The following OSR2 variants were observed in gnomAD, a reference collection of about 807,000 sequenced individuals.
OSR2 encodes the protein odd-skipped related transciption factor 2.
Under a neutral mutation model 22.3 loss-of-function variants are expected in OSR2, and 8 were observed. That is an observed-to-expected ratio of 0.36 (90% confidence interval 0.21 to 0.65). The LOEUF is 0.65. Ranked by LOEUF, OSR2 falls within the 30% of genes least tolerant of loss-of-function variation. OSR2 has a pLI of 0.66. For missense variants in OSR2, 311 were observed against 413.4 expected (o/e 0.75, Z 2.15); for synonymous variants, 179 against 173.8 (o/e 1.03, Z -0.23).
chr8:98,948,369 C>A lies in OSR2; in HGVS notation c.-114-470C>A. ...CAGCGCAGCGCGTGGGATCTCACGA[C>A]CCATCCGTTAACCCACCGTTCCCAG... On this transcript the variant is annotated intron_variant, in intron 1 of 3. Transcript: ENST00000297565. The surrounding 1 kb of genome is among the most constrained non-coding windows in gnomAD (Gnocchi z 6.0). The A allele has an allele frequency of 2.7e-6, 4 of 1,504,822 alleles. No homozygotes were observed. The highest frequency in any genetic ancestry group is 3.5e-6 in the Non-Finnish European group (4 of 1,129,908). The allele number at this position is 1,504,822 out of a possible 1,614,324, so 93.2% of individuals were successfully genotyped here.
At chr8:98,945,417 T>TG (rs1840579008) in intron 1 of OSR2, among the ~76,000 whole-genome samples, 1 of 152,224 alleles carries the variant, frequency 6.6e-6, no homozygotes, top group African/African-American at 2.4e-5. Flanking sequence ...AGAAAGGAGT[T>TG]GCAGTTGTAC....
rs553096279 is a variant in OSR2, at chr8:98,951,664, G to A, written c.902G>A (p.Arg301Gln). ...KVFRRNCDLR[R>Q]HSLTHTPRQD... ...TTCAGGCGAAACTGTGATCTGCGGC[G>A]GCACAGCCTGACTCACACCCCGCGG... The change falls in exon 4 of 4, where the codon CGG becomes CAG. Residue 301 changes from arginine to glutamine, a missense_variant. Physicochemically the swap from Arg to Gln is conservative, Grantham distance 43. Coordinates refer to ENST00000297565, the MANE Select transcript of OSR2 (RefSeq NM_001142462.3). 6.2e-7 allele frequency: 1 copy of A among 1,613,778 alleles called. No individual in the cohort carries two copies. Among genetic ancestry groups the A allele is most frequent in the African/African-American group, 1.3e-5 (1 of 75,018 alleles).
Position 98,951,677 on chromosome 8 carries a change from TCA to T in OSR2, c.919_920del (p.Thr307ProfsTer35). On this transcript the variant is annotated frameshift_variant, in exon 4 of 4. Coordinates refer to ENST00000297565, the MANE Select transcript of OSR2 (RefSeq NM_001142462.3). LOFTEE classifies it high-confidence loss of function. ...GTGATCTGCGGCGGCACAGCCTGACTCACACCCCGCGGCAGGACTTCTAGAGA... is the reference window on the plus strand; with the variant it reads ...GTGATCTGCGGCGGCACAGCCTGACTCACCCCGCGGCAGGACTTCTAGAGA... ...NCDLRRHSLTHTPRQDF is the reference protein window; with the variant it reads ...NCDLRRHSLTXTPRQDF 1 of 1,613,602 alleles carries T rather than the reference TCA, an allele frequency of 6.2e-7. No homozygotes were observed. The highest frequency in any genetic ancestry group is 8.5e-7 in the Non-Finnish European group (1 of 1,179,792).
Position 98,949,895 on chromosome 8 carries a change from C to T in OSR2, c.656+287C>T, listed in dbSNP as rs1366542512. Among the ~76,000 whole-genome samples, 1 of 152,152 alleles carries T rather than the reference C, an allele frequency of 6.6e-6. No individual in the cohort carries two copies. The highest frequency in any genetic ancestry group is 1.5e-5 in the Non-Finnish European group (1 of 68,034). On this transcript the variant is annotated intron_variant, in intron 2 of 3. Transcript: ENST00000297565. The surrounding 1 kb of genome is among the most constrained non-coding windows in gnomAD (Gnocchi z 5.9). ...ATGGTTATCCTGTCTCCTCCCGGTG[C>T]TGTGGGGAGTGGTGCAGGCAGAACC...
At position 98,948,485 on chromosome 8, in the gene OSR2, A is replaced by C; in HGVS notation, c.-114-354A>C. The C allele has an allele frequency of 1.5e-4, 3 of 19,564 alleles. No individual in the cohort carries two copies. Among genetic ancestry groups the C allele is most frequent in the Non-Finnish European group, 2.2e-4 (3 of 13,896 alleles). The allele number at this position is 19,564 out of a possible 1,614,324, so 1.2% of individuals were successfully genotyped here. Reference sequence around the variant, plus strand: ...TGAGCTTCGCCTAACAGGCTTGGGGAGGGTGGGCTGGGCTGGGCTGGGCTG... The same window carrying C: ...TGAGCTTCGCCTAACAGGCTTGGGGCGGGTGGGCTGGGCTGGGCTGGGCTG... On this transcript the variant is annotated intron_variant, in intron 1 of 3. Transcript: ENST00000297565. This position sits in a 1 kb window ranked among gnomAD's most constrained non-coding sequence, Gnocchi z 6.0.
In OSR2 at chr8:98,944,534, G is replaced by C. The variant is rs1840544816; in HGVS notation, c.-404G>C. On this transcript the variant is annotated 5_prime_UTR_variant, in exon 1 of 4. Transcript: ENST00000297565. ...AAGGCTGTGGGCTCCGACCTCACCG[G>C]GAGTCGACAGCGAGAGGTTCGCCGA... 1 of 152,310 alleles carries C rather than the reference G, an allele frequency of 6.6e-6. No individual in the cohort carries two copies. The highest frequency in any genetic ancestry group is 2.4e-5 in the African/African-American group (1 of 41,466). The allele number at this position is 152,310 out of a possible 1,614,324, so 9.4% of individuals were successfully genotyped here.
intron 3 of OSR2, chr8:98,951,000 TTCA>T: frequency 1.7e-6 from 1 of 596,742 alleles, no homozygotes; most frequent in Admixed American, 3.0e-5. Flanking sequence ...TAGAATTTTT[TTCA>T]TCCAATCTGT....
Position 98,949,176 on chromosome 8 carries a change from C to T in OSR2, c.224C>T (p.Ala75Val), listed in dbSNP as rs768426368. 1.3e-6 allele frequency: 2 copies of T among 1,597,926 alleles called. No individual in the cohort carries two copies. Among genetic ancestry groups the T allele is most frequent in the South Asian group, 2.3e-5 (2 of 88,830 alleles). The change falls in exon 2 of 4, where the codon GCG becomes GTG. Residue 75 changes from alanine to valine, a missense_variant. Ala to Val is a moderately conservative substitution (Grantham distance 64). Transcript: ENST00000297565. This position sits in a 1 kb window ranked among gnomAD's most constrained non-coding sequence, Gnocchi z 5.9. ...TCCACCATCACGGAGATGGCGGCGG[C>T]GCAGGGCCTCGTGGACGCGCGCTTC... is the stretch of plus-strand genomic sequence containing the variant. ...TRSTITEMAAAQGLVDARFPF... is the reference protein window; with the variant it reads ...TRSTITEMAAVQGLVDARFPF...
rs752923643 is a variant in OSR2 at position 98,949,616 on chromosome 8, G to C, written c.656+8G>C. 1.2e-6 allele frequency: 2 copies of C among 1,601,438 alleles called. No homozygotes were observed. The highest frequency in any genetic ancestry group is 4.5e-5 in the East Asian group (2 of 44,670). On this transcript the variant is annotated splice_region_variant and intron_variant, in intron 2 of 3. Coordinates refer to ENST00000297565, the MANE Select transcript of OSR2 (RefSeq NM_001142462.3). The surrounding 1 kb of genome is among the most constrained non-coding windows in gnomAD (Gnocchi z 5.9). ...TCACCTGCGGGATCACAGGTGAGGC[G>C]GGCAAGGAGGATGGCTGGGAGAGGG... is the stretch of plus-strand genomic sequence containing the variant.
chr8:98,949,273 A>C lies in OSR2; in HGVS notation c.321A>C (p.Pro107=), dbSNP rs1226784577. 2 of 1,612,136 alleles carry C rather than the reference A, an allele frequency of 1.2e-6. No individual in the cohort carries two copies. Among genetic ancestry groups the C allele is most frequent in the Non-Finnish European group, 1.7e-6 (2 of 1,178,882 alleles). ...AGGGGGCCATTGCCCACGTCCTCCCAGCCCTGCACAAGGACCGGCCCCGTT... is the reference window on the plus strand; with the variant it reads ...AGGGGGCCATTGCCCACGTCCTCCCCGCCCTGCACAAGGACCGGCCCCGTT... ...PKQGAIAHVL[P]ALHKDRPRFD... is the part of the protein sequence containing the mutation. Residue 107 remains proline, a synonymous_variant, in exon 2 of 4, where the codon CCA becomes CCC. Transcript: ENST00000297565. This position sits in a 1 kb window ranked among gnomAD's most constrained non-coding sequence, Gnocchi z 5.9.
chr8:98,948,159 G>T lies in OSR2; in HGVS notation c.-114-680G>T, dbSNP rs1177542024. 2 of 1,380,240 alleles carry T rather than the reference G, an allele frequency of 1.4e-6. No homozygotes were observed. Among genetic ancestry groups the T allele is most frequent in the African/African-American group, 3.0e-5 (2 of 66,502 alleles). 85.5% of individuals were successfully genotyped at this position (1,380,240 alleles called of 1,614,324 possible). On this transcript the variant is annotated intron_variant, in intron 1 of 3. Transcript: ENST00000297565. The surrounding 1 kb of genome is among the most constrained non-coding windows in gnomAD (Gnocchi z 6.0). ...GTGTCACTTTTCTTTCCTGCGGCCCGTCACCGCTGATAGATGGGGCTGAGG... is the reference window on the plus strand; with the variant it reads ...GTGTCACTTTTCTTTCCTGCGGCCCTTCACCGCTGATAGATGGGGCTGAGG...
At position 98,949,095 on chromosome 8, in the gene OSR2, C is replaced by A; in HGVS notation, c.143C>A (p.Thr48Asn). 6.2e-7 allele frequency: 1 copy of A among 1,613,934 alleles called. No individual in the cohort carries two copies. Among genetic ancestry groups the A allele is most frequent in the Non-Finnish European group, 8.5e-7 (1 of 1,179,890 alleles). Residue 48 changes from threonine (T) to asparagine (N), a missense_variant, in exon 2 of 4, where the codon ACC becomes AAC. Thr to Asn is a moderately conservative substitution (Grantham distance 65). Around this residue, in one of 5 missense-constraint regions of OSR2, gnomAD observed 146 missense variants for 160.5 expected, o/e 0.91. Transcript: ENST00000297565. The surrounding 1 kb of genome is among the most constrained non-coding windows in gnomAD (Gnocchi z 5.9). ...CTGTACGGTCTCAGCGCGGTACAGA[C>A]CATGCACATGAACCACTGGACGCTG... ...QGLYGLSAVQ[T>N]MHMNHWTLGY... is the part of the protein sequence containing the mutation.
In OSR2 at chr8:98,949,161, C is replaced by A; in HGVS notation, c.209C>A (p.Thr70Lys). Residue 70 changes from threonine to lysine, a missense_variant, in exon 2 of 4, where the codon ACG becomes AAG. Around this residue, in one of 5 missense-constraint regions of OSR2, gnomAD observed 146 missense variants for 160.5 expected, o/e 0.91. Transcript: ENST00000297565. This position sits in a 1 kb window ranked among gnomAD's most constrained non-coding sequence, Gnocchi z 5.9. ...CACGAGATCACCCGCTCCACCATCACGGAGATGGCGGCGGCGCAGGGCCTC... is the reference window on the plus strand; with the variant it reads ...CACGAGATCACCCGCTCCACCATCAAGGAGATGGCGGCGGCGCAGGGCCTC... ...NVHEITRSTITEMAAAQGLVD... is the reference protein window; with the variant it reads ...NVHEITRSTIKEMAAAQGLVD... 1 of 1,610,838 alleles carries A rather than the reference C, an allele frequency of 6.2e-7. No homozygotes were observed. Among genetic ancestry groups the A allele is most frequent in the Non-Finnish European group, 8.5e-7 (1 of 1,178,230 alleles).
chr8:98,948,790 G>C lies in OSR2; in HGVS notation c.-114-49G>C, dbSNP rs1296644567. 3 of 1,490,162 alleles carry C rather than the reference G, an allele frequency of 2.0e-6. No homozygotes were observed. In the South Asian group the frequency reaches 3.9e-5, roughly 20 times the overall value. 92.3% of individuals were successfully genotyped at this position (1,490,162 alleles called of 1,614,324 possible). A position where few individuals can be genotyped will look rare whatever the true frequency, so the allele number is the denominator to read the frequency against. On this transcript the variant is annotated intron_variant, in intron 1 of 3. Transcript: ENST00000297565. The surrounding 1 kb of genome is among the most constrained non-coding windows in gnomAD (Gnocchi z 6.0). ...CAGGTGCCAAAGGGCAGAAGGAGCA[G>C]CCTTGGATTATAGTCACGGTCTCTC...
In OSR2 at chr8:98,948,022, C is replaced by A. The variant is rs1840661033; in HGVS notation, c.-114-817C>A. 1.1e-6 allele frequency: 1 copy of A among 945,484 alleles called. No individual in the cohort carries two copies. Among genetic ancestry groups the A allele is most frequent in the Non-Finnish European group, 1.4e-6 (1 of 714,800 alleles). 58.6% of individuals were successfully genotyped at this position (945,484 alleles called of 1,614,324 possible). On this transcript the variant is annotated intron_variant, in intron 1 of 3. Transcript: ENST00000297565. This position sits in a 1 kb window ranked among gnomAD's most constrained non-coding sequence, Gnocchi z 6.0. ...TGGCCTCAGGGACGTTCTCCGCCCC[C>A]ACCCCACCCCCTGGGAGCCTGAACC...
chr8:98,947,601 G>T (rs772951001), intron 1 of OSR2, among the ~76,000 whole-genome samples: 14 of 152,172 alleles, frequency 9.2e-5, no homozygotes, highest in African/African-American at 1.2e-4. Context: ...AGGTGGGCCC[G>T]CTGTGAATGT....
chr8:98,949,332 A>G lies in OSR2; in HGVS notation c.380A>G (p.Gln127Arg). Residue 127 changes from glutamine to arginine, a missense_variant, in exon 2 of 4, where the codon CAA becomes CGA. Transcript: ENST00000297565. The surrounding 1 kb of genome is among the most constrained non-coding windows in gnomAD (Gnocchi z 5.9). Reference sequence around the variant, plus strand: ...GCCAATTTGGCGGTGGCTGCCACGCAAGAGGATCCGCCTAAGATGGGAGAC... The same window carrying G: ...GCCAATTTGGCGGTGGCTGCCACGCGAGAGGATCCGCCTAAGATGGGAGAC... ...DFANLAVAATQEDPPKMGDLS... is the reference protein window; with the variant it reads ...DFANLAVAATREDPPKMGDLS... 1 of 1,613,316 alleles carries G rather than the reference A, an allele frequency of 6.2e-7. No homozygotes were observed. The highest frequency in any genetic ancestry group is 8.5e-7 in the Non-Finnish European group (1 of 1,179,498).
rs760460092 is a variant in OSR2, at chr8:98,948,975, C to A, written c.23C>A (p.Ala8Glu). Residue 8 changes from alanine (A) to glutamate (E), a missense_variant, in exon 2 of 4, where the codon GCG becomes GAG. Coordinates refer to ENST00000297565, the MANE Select transcript of OSR2 (RefSeq NM_001142462.3). This position sits in a 1 kb window ranked among gnomAD's most constrained non-coding sequence, Gnocchi z 6.0. The part of the protein sequence containing the change: MGSKALP[A>E]PIPLHPSLQL... The stretch of plus-strand genomic sequence containing the variant: ...AAAATGGGGAGCAAGGCTCTGCCAG[C>A]GCCCATCCCGCTCCACCCGTCGCTG... 1 of 1,613,974 alleles carries A rather than the reference C, an allele frequency of 6.2e-7. No individual in the cohort carries two copies. The highest frequency in any genetic ancestry group is 1.3e-5 in the African/African-American group (1 of 75,062).
At chr8:98,946,764 C>G (rs1444114617) in intron 1 of OSR2, among the ~76,000 whole-genome samples, 9 of 152,208 alleles carry the variant, frequency 5.9e-5, no homozygotes, top group Admixed American at 2.0e-4. Flanking sequence ...CATGCCCGCT[C>G]CCCCCTCCCC....
Sources: gnomAD v4.1 joint callset for allele counts (sites outside exome capture counted in the v4.1 genomes callset) on GRCh38, gnomAD v4.1.1 for gene constraint, gnomAD v4.1.1 regional missense constraint, Gnocchi (gnomAD v3.1) non-coding constraint, MANE v1.5 for transcripts, NCBI Gene and HGNC (gene_info 2026-07-23, HGNC 2026-07-21) for gene names.